Variants in AAMP observed in about 807,000 individuals in gnomAD.
AAMP encodes the protein angio associated migratory cell protein, also known as angio-associated migratory cell protein.
AAMP carries 12 observed loss-of-function variants against 51.1 expected under a neutral mutation model. The observed-to-expected ratio is 0.23, with a 90% CI of 0.15 to 0.38. AAMP has a LOEUF of 0.38. Among genes scored for constraint, AAMP ranks in the 10% least tolerant of loss-of-function variants. AAMP has a pLI of 1.00. For missense variants in AAMP, 418 were observed against 557.2 expected (o/e 0.75, Z 2.52); for synonymous variants, 210 against 218.7 (o/e 0.96, Z 0.35).
rs764295966 is a variant in AAMP at position 218,265,383 on chromosome 2, C to A, written c.1062G>T (p.Gln354His). Residue 354 changes from glutamine to histidine, a missense_variant, in exon 9 of 11, where the codon CAG becomes CAT. Transcript: ENST00000248450. This position sits in a 1 kb window ranked among gnomAD's most constrained non-coding sequence, Gnocchi z 6.6. ...YDLATQTLRH[Q>H]CQHQSGIVQL... is the part of the protein sequence containing the mutation. ...CAGCTGCCCATACCTGGTGCTGACA[C>A]TGATGCCTAAGAGTCTGCGTAGCCA... is the stretch of plus-strand genomic sequence containing the variant. 6.4e-7 allele frequency: 1 copy of A among 1,559,498 alleles called. No homozygotes were observed. The highest frequency in any genetic ancestry group is 1.2e-5 in the South Asian group (1 of 85,186).
Position 218,266,304 on chromosome 2 carries a change from TG to T in AAMP, c.679+138del. The stretch of plus-strand genomic sequence containing the variant: ...AGCAGGAAGGAGGCGCTGTGAACTT[TG>T]GGGCCCAGGAGGTCAGCACTGCAAA... On this transcript the variant is annotated intron_variant, in intron 5 of 10. Coordinates refer to ENST00000248450, the MANE Select transcript of AAMP (RefSeq NM_001087.5). This position sits in a 1 kb window ranked among gnomAD's most constrained non-coding sequence, Gnocchi z 4.7. 7.2e-7 allele frequency: 1 copy of T among 1,379,684 alleles called. No individual in the cohort carries two copies. 85.5% of individuals were successfully genotyped at this position (1,379,684 alleles called of 1,614,324 possible). A position where few individuals can be genotyped will look rare whatever the true frequency, so the allele number is the denominator to read the frequency against.
chr2:218,270,019 C>A lies in AAMP; in HGVS notation c.68G>T (p.Gly23Val), dbSNP rs1690755870. ...TACCACCTCGATAATCTCTTCATCA[C>A]CATGGAAGCTTAGGGTCTCCAGTGG... ...TPPLETLSFHGDEEIIEVVEL... is the reference protein window; with the variant it reads ...TPPLETLSFHVDEEIIEVVEL... The change falls in exon 1 of 11, where the codon GGT becomes GTT. Residue 23 changes from glycine to valine, a missense_variant. Gly to Val is a moderately radical substitution (Grantham distance 109). Coordinates refer to ENST00000248450, the MANE Select transcript of AAMP (RefSeq NM_001087.5). 6.2e-7 allele frequency: 1 copy of A among 1,614,166 alleles called. No individual in the cohort carries two copies. Among genetic ancestry groups the A allele is most frequent in the East Asian group, 2.2e-5 (1 of 44,864 alleles).
chr2:218,268,977 G>A (rs1395844081), intron 2 of AAMP, among the ~76,000 whole-genome samples: 1 of 152,044 alleles, frequency 6.6e-6, no homozygotes. Flanking sequence ...GATTACAGGC[G>A]TGAGCCACCA....
Position 218,267,263 on chromosome 2 carries a change from A to G in AAMP, c.394+231T>C. On this transcript the variant is annotated intron_variant, in intron 3 of 10. Coordinates refer to ENST00000248450, the MANE Select transcript of AAMP (RefSeq NM_001087.5). The surrounding 1 kb of genome is among the most constrained non-coding windows in gnomAD (Gnocchi z 4.6). ...TACACCTCTGCCCGCCTGCTCCTAT[A>G]CCAATGTGGCCTTCTCTGGCCTTTC... is the stretch of plus-strand genomic sequence containing the variant. 1 of 686,206 alleles carries G rather than the reference A, an allele frequency of 1.5e-6. No homozygotes were observed. Among genetic ancestry groups the G allele is most frequent in the Non-Finnish European group, 2.4e-6 (1 of 413,756 alleles). 42.5% of individuals were successfully genotyped at this position (686,206 alleles called of 1,614,324 possible).
In AAMP at chr2:218,267,094, GA is replaced by G; in HGVS notation, c.395-109del. 7.5e-7 allele frequency: 1 copy of G among 1,341,518 alleles called. No individual in the cohort carries two copies. The highest frequency in any genetic ancestry group is 1.0e-6 in the Non-Finnish European group (1 of 966,360). 83.1% of individuals were successfully genotyped at this position (1,341,518 alleles called of 1,614,324 possible). A position where few individuals can be genotyped will look rare whatever the true frequency, so the allele number is the denominator to read the frequency against. ...CTGAAAGGACCAGCTAGGAAAAAAA[GA>G]GGGGCGGGACTGAGCAGAACAGGTG... On this transcript the variant is annotated intron_variant, in intron 3 of 10. Transcript: ENST00000248450. The surrounding 1 kb of genome is among the most constrained non-coding windows in gnomAD (Gnocchi z 4.6).
Position 218,265,416 on chromosome 2 carries a change from G to A in AAMP, c.1029C>T (p.Ile343=). The change falls in exon 9 of 11, where the codon ATC becomes ATT. Residue 343 remains isoleucine, a synonymous_variant. Transcript: ENST00000248450. This position sits in a 1 kb window ranked among gnomAD's most constrained non-coding sequence, Gnocchi z 6.6. Reference sequence around the variant, plus strand: ...TAAGAGTCTGCGTAGCCAGGTCATAGATGGCCAAGGTCCCATCCAGGTAGC... The same window carrying A: ...TAAGAGTCTGCGTAGCCAGGTCATAAATGGCCAAGGTCCCATCCAGGTAGC... ...AVGYLDGTLA[I]YDLATQTLRH... is the part of the protein sequence containing the mutation. 6.4e-7 allele frequency: 1 copy of A among 1,564,274 alleles called. No homozygotes were observed. Among genetic ancestry groups the A allele is most frequent in the Non-Finnish European group, 8.7e-7 (1 of 1,153,430 alleles).
At position 218,267,660 on chromosome 2, in the gene AAMP, AG is replaced by A. The variant is rs1365723056; in HGVS notation, c.275-48del. The A allele has an allele frequency of 6.2e-7, 1 of 1,611,264 alleles. No homozygotes were observed. Among genetic ancestry groups the A allele is most frequent in the Admixed American group, 1.7e-5 (1 of 59,974 alleles). On this transcript the variant is annotated intron_variant, in intron 2 of 10. Coordinates refer to ENST00000248450, the MANE Select transcript of AAMP (RefSeq NM_001087.5). The surrounding 1 kb of genome is among the most constrained non-coding windows in gnomAD (Gnocchi z 4.6). The stretch of plus-strand genomic sequence containing the variant: ...GGGTAAGGGGACAGAGCTCCCACCT[AG>A]GGCTCTGTCCTTCACAATCTTCAGG...
At position 218,266,433 on chromosome 2, in the gene AAMP, G is replaced by T. The variant is rs778974024; in HGVS notation, c.679+10C>A. ...ACCCAGGAAAGGTCACTCAAGGGAG[G>T]TGCTCTCACCATCAGGGAGGACTCG... On this transcript the variant is annotated intron_variant, in intron 5 of 10. Transcript: ENST00000248450. The surrounding 1 kb of genome is among the most constrained non-coding windows in gnomAD (Gnocchi z 4.7). 12 of 1,613,048 alleles carry T rather than the reference G, an allele frequency of 7.4e-6. No individual in the cohort carries two copies. The highest frequency in any genetic ancestry group is 2.5e-6 in the Non-Finnish European group (3 of 1,179,342).
Position 218,266,155 on chromosome 2 carries a change from G to C in AAMP, c.680-8C>G. On this transcript the variant is annotated splice_polypyrimidine_tract_variant and splice_region_variant and intron_variant, in intron 5 of 10. Transcript: ENST00000248450. The surrounding 1 kb of genome is among the most constrained non-coding windows in gnomAD (Gnocchi z 4.7). ...CTACCACAGCTCTCTTCCCTGAAGA[G>C]AGGCACAGATGAAGAGAGGGCAGAG... The C allele has an allele frequency of 6.2e-7, 1 of 1,613,562 alleles. No homozygotes were observed. Among genetic ancestry groups the C allele is most frequent in the Non-Finnish European group, 8.5e-7 (1 of 1,179,502 alleles).
Position 218,266,378 on chromosome 2 carries a change from G to A in AAMP, c.679+65C>T, listed in dbSNP as rs1690627801. On this transcript the variant is annotated intron_variant, in intron 5 of 10. Transcript: ENST00000248450. This position sits in a 1 kb window ranked among gnomAD's most constrained non-coding sequence, Gnocchi z 4.7. ...GCTGTGACCCAGAAGGCTGCTCTGGGAGGTGTATATCCCGGGATTCGGCCT... is the reference window on the plus strand; with the variant it reads ...GCTGTGACCCAGAAGGCTGCTCTGGAAGGTGTATATCCCGGGATTCGGCCT... 1.3e-6 allele frequency: 2 copies of A among 1,581,350 alleles called. No individual in the cohort carries two copies. The highest frequency in any genetic ancestry group is 8.6e-7 in the Non-Finnish European group (1 of 1,158,024).
chr2:218,266,712 A>G lies in AAMP; in HGVS notation c.535-125T>C, dbSNP rs368915764. 1.6e-4 allele frequency: 254 copies of G among 1,549,668 alleles called. No homozygotes were observed. In the African/African-American group the frequency reaches 3.2e-3, roughly 19 times the overall value. On this transcript the variant is annotated intron_variant, in intron 4 of 10. Coordinates refer to ENST00000248450, the MANE Select transcript of AAMP (RefSeq NM_001087.5). The surrounding 1 kb of genome is among the most constrained non-coding windows in gnomAD (Gnocchi z 4.7). ...CGCGGGGACTTTCCAGGTAGCAGGT[A>G]GATATTCTTCCTGTGCCTTGGGGCG...
chr2:218,269,215 C>A (rs1457053058), intron 2 of AAMP, among the ~76,000 whole-genome samples, 167 bp downstream of exon 2: 1 of 152,226 alleles, frequency 6.6e-6, no homozygotes, highest in East Asian at 1.9e-4. Context: ...ATGCCAGAAG[C>A]CAAGCAATCA....
Position 218,267,089 on chromosome 2 carries a change from A to G in AAMP, c.395-103T>C. 1 of 1,400,998 alleles carries G rather than the reference A, an allele frequency of 7.1e-7. No individual in the cohort carries two copies. The highest frequency in any genetic ancestry group is 1.3e-5 in the South Asian group (1 of 78,452). 86.8% of individuals were successfully genotyped at this position (1,400,998 alleles called of 1,614,324 possible). A position where few individuals can be genotyped will look rare whatever the true frequency, so the allele number is the denominator to read the frequency against. ...GCCCACTGAAAGGACCAGCTAGGAAAAAAAGAGGGGCGGGACTGAGCAGAA... is the reference window on the plus strand; with the variant it reads ...GCCCACTGAAAGGACCAGCTAGGAAGAAAAGAGGGGCGGGACTGAGCAGAA... On this transcript the variant is annotated intron_variant, in intron 3 of 10. Transcript: ENST00000248450. The surrounding 1 kb of genome is among the most constrained non-coding windows in gnomAD (Gnocchi z 4.6).
Position 218,266,561 on chromosome 2 carries a change from A to C in AAMP, c.561T>G (p.Pro187=), listed in dbSNP as rs923272436. ...CGTCAGCTGTGCCCGCCAACAGGAC[A>C]GGTGCCCGAGGATGCCACTCCATCC... ...LEWMEWHPRA[P]VLLAGTADGN... is the part of the protein sequence containing the mutation. Residue 187 remains proline (P), a synonymous_variant, in exon 5 of 11, where the codon CCT becomes CCG. Coordinates refer to ENST00000248450, the MANE Select transcript of AAMP (RefSeq NM_001087.5). This position sits in a 1 kb window ranked among gnomAD's most constrained non-coding sequence, Gnocchi z 4.7. The C allele has an allele frequency of 8.7e-6, 14 of 1,613,418 alleles. No individual in the cohort carries two copies. Among genetic ancestry groups the C allele is most frequent in the Non-Finnish European group, 1.2e-5 (14 of 1,179,832 alleles).
chr2:218,265,405 G>A lies in AAMP; in HGVS notation c.1040C>T (p.Ala347Val). The part of the protein sequence containing the change: ...LDGTLAIYDL[A>V]TQTLRHQCQH... ...ACACTGATGCCTAAGAGTCTGCGTA[G>A]CCAGGTCATAGATGGCCAAGGTCCC... Residue 347 changes from alanine (A) to valine (V), a missense_variant, in exon 9 of 11, where the codon GCT (alanine) becomes GTT (valine). Coordinates refer to ENST00000248450, the MANE Select transcript of AAMP (RefSeq NM_001087.5). The surrounding 1 kb of genome is among the most constrained non-coding windows in gnomAD (Gnocchi z 6.6). The A allele has an allele frequency of 1.9e-6, 3 of 1,562,900 alleles. No homozygotes were observed. The highest frequency in any genetic ancestry group is 2.6e-6 in the Non-Finnish European group (3 of 1,152,636).
rs1366028725 is a variant in AAMP, at chr2:218,266,579, C to A, written c.543G>T (p.Glu181Asp). 3 of 1,612,914 alleles carry A rather than the reference C, an allele frequency of 1.9e-6. No homozygotes were observed. Among genetic ancestry groups the A allele is most frequent in the African/African-American group, 2.7e-5 (2 of 74,918 alleles). The change falls in exon 5 of 11, where the codon GAG becomes GAT. Residue 181 changes from glutamate (E) to aspartate (D), a missense_variant. By Grantham distance (45) the Glu-to-Asp change is conservative. Coordinates refer to ENST00000248450, the MANE Select transcript of AAMP (RefSeq NM_001087.5). The surrounding 1 kb of genome is among the most constrained non-coding windows in gnomAD (Gnocchi z 4.7). ...ACAGGACAGGTGCCCGAGGATGCCA[C>A]TCCATCCACTGGACAGGGAGGAAGG... ...SFEAGDLEWM[E>D]WHPRAPVLLA...
rs1199721713 is a variant in AAMP at position 218,270,034 on chromosome 2, G to A, written c.53C>T (p.Thr18Ile). 1.2e-6 allele frequency: 2 copies of A among 1,614,034 alleles called. No individual in the cohort carries two copies. The highest frequency in any genetic ancestry group is 1.7e-6 in the Non-Finnish European group (2 of 1,180,026). The stretch of plus-strand genomic sequence containing the variant: ...CTCTTCATCACCATGGAAGCTTAGG[G>A]TCTCCAGTGGGGGGGTGTCAGCAGC... ...GAAADTPPLE[T>I]LSFHGDEEII... The change falls in exon 1 of 11, where the codon ACC (threonine) becomes ATC (isoleucine). Residue 18 changes from threonine to isoleucine, a missense_variant. Transcript: ENST00000248450.
chr2:218,266,652 T>C lies in AAMP; in HGVS notation c.535-65A>G, dbSNP rs1194279021. On this transcript the variant is annotated intron_variant, in intron 4 of 10. Coordinates refer to ENST00000248450, the MANE Select transcript of AAMP (RefSeq NM_001087.5). The surrounding 1 kb of genome is among the most constrained non-coding windows in gnomAD (Gnocchi z 4.7). ...CCATCCCACCTAGAAGCCTGCCCCA[T>C]GAGCTCCACCCAAGGTTTCCTGCCT... 1 of 1,572,120 alleles carries C rather than the reference T, an allele frequency of 6.4e-7. No individual in the cohort carries two copies. The highest frequency in any genetic ancestry group is 1.4e-5 in the African/African-American group (1 of 73,874).
At position 218,264,309 on chromosome 2, in the gene AAMP, C is replaced by A; in HGVS notation, c.*224G>T. On this transcript the variant is annotated 3_prime_UTR_variant, in exon 11 of 11. Transcript: ENST00000248450. Reference sequence around the variant, plus strand: ...AAGTGAAAGAGAAACAGGTCCACCCCTCCCTCTGAAGGGCCCACCAGGTCT... The same window carrying A: ...AAGTGAAAGAGAAACAGGTCCACCCATCCCTCTGAAGGGCCCACCAGGTCT... The A allele has an allele frequency of 1.8e-6, 1 of 564,910 alleles. No individual in the cohort carries two copies. Among genetic ancestry groups the A allele is most frequent in the Non-Finnish European group, 3.2e-6 (1 of 315,652 alleles). 35.0% of individuals were successfully genotyped at this position (564,910 alleles called of 1,614,324 possible). A position where few individuals can be genotyped will look rare whatever the true frequency, so the allele number is the denominator to read the frequency against.
Sources: gnomAD v4.1 joint callset for allele counts (sites outside exome capture counted in the v4.1 genomes callset) on GRCh38, gnomAD v4.1.1 for gene constraint, Gnocchi (gnomAD v3.1) non-coding constraint, MANE v1.5 for transcripts, NCBI Gene and HGNC (gene_info 2026-07-23, HGNC 2026-07-21) for gene names.